CPVL: variants seen among roughly 807,000 people sequenced by gnomAD.
The protein encoded by CPVL is probable serine carboxypeptidase CPVL.
CPVL carries 51 observed loss-of-function variants against 63.7 expected under a neutral mutation model. That is an observed-to-expected ratio of 0.80 (90% CI 0.64 to 1.01). CPVL has a LOEUF of 1.01. CPVL is among the 50% of genes least tolerant of loss of function. The pLI, the probability that CPVL is intolerant of heterozygous loss-of-function variation, is 0.00. For synonymous variants in CPVL, 195 were observed against 206.0 expected (o/e 0.95, Z 0.46); for missense variants, 530 against 573.1 (o/e 0.92, Z 0.77).
At chr7:29,067,645 AG>A (rs1783268536) in intron 9 of CPVL, among the ~76,000 whole-genome samples, 1 of 152,174 alleles carries the variant, frequency 6.6e-6, no homozygotes, top group Admixed American at 6.5e-5. Context: ...GAAGACATGG[AG>A]GGGGGTTGTT....
chr7:29,168,339 C>A (rs982770320), intron 5 of CPVL, among the ~76,000 whole-genome samples: 1 of 152,092 alleles, frequency 6.6e-6, no homozygotes, highest in Non-Finnish European at 1.5e-5. Flanking sequence ...TTCCATTACA[C>A]AATTTTTGGT....
chr7:29,033,782 C>G (rs933676020), intron 11 of CPVL, among the ~76,000 whole-genome samples: 8 of 152,206 alleles, frequency 5.3e-5, no homozygotes, highest in Admixed American at 5.2e-4. Context: ...ACTTTCCTTT[C>G]TGGTCAGCTG....
chr7:29,135,320 C>G (rs1408835427), intron 1 of CPVL, among the ~76,000 whole-genome samples: 1 of 151,138 alleles, frequency 6.6e-6, no homozygotes, highest in Non-Finnish European at 1.5e-5. Flanking sequence ...GAATCAAAAG[C>G]CAAAATTGTA....
chr7:29,167,764 T>C (rs1338320156), intron 5 of CPVL, among the ~76,000 whole-genome samples: 1 of 152,248 alleles, frequency 6.6e-6, no homozygotes, highest in Non-Finnish European at 1.5e-5. Context: ...ATTTCCAGTT[T>C]TCTCTGCTTC....
At chr7:29,032,185 T>C (rs1454831163) in intron 11 of CPVL, among the ~76,000 whole-genome samples, 2 of 152,206 alleles carry the variant, frequency 1.3e-5, no homozygotes, top group South Asian at 2.1e-4. Context: ...ACTGCATAAG[T>C]TTCCGTCTTT....
chr7:29,045,396 A>G (rs1277668142), intron 11 of CPVL, among the ~76,000 whole-genome samples: 1 of 152,200 alleles, frequency 6.6e-6, no homozygotes, highest in Non-Finnish European at 1.5e-5. Flanking sequence ...AATGTACACT[A>G]TTTTTATCTG....
intron 7 of CPVL, among the ~76,000 whole-genome samples, chr7:29,074,145 C>T (rs55988255): frequency 1.8e-4 from 28 of 152,330 alleles, no homozygotes; most frequent in Non-Finnish European, 4.1e-4. Flanking sequence ...CCTGAGCTGA[C>T]CGACTCCAAA....
At chr7:29,096,917 G>A (rs1786470731) in intron 3 of CPVL, among the ~76,000 whole-genome samples, 1 of 150,290 alleles carries the variant, frequency 6.7e-6, no homozygotes, top group African/African-American at 2.5e-5. Flanking sequence ...CCCTGGAGAC[G>A]GAGGTTGCAG....
In CPVL at chr7:29,030,578, T is replaced by C; in HGVS notation, c.1319A>G (p.Gln440Arg). ...GYIRQAGDFHQVIIRGGGHIL... is the reference protein window; with the variant it reads ...GYIRQAGDFHRVIIRGGGHIL... ...GCCTGCTCCCAAGCATCTTCCTACC[T>C]GATGGAAGTCACCCGCTTGCCGGAT... is the stretch of plus-strand genomic sequence containing the variant. The change falls in exon 12 of 13, where the codon CAG (glutamine) becomes CGG (arginine). Residue 440 changes from glutamine (Q) to arginine (R), a missense_variant and splice_region_variant. By Grantham distance (43) the Gln-to-Arg change is conservative. Transcript: ENST00000265394. The C allele has an allele frequency of 6.2e-7, 1 of 1,610,560 alleles. No individual in the cohort carries two copies. The highest frequency in any genetic ancestry group is 8.5e-7 in the Non-Finnish European group (1 of 1,178,278).
chr7:29,086,673 C>A, intron 6 of CPVL, 123 bp from the exon 7 acceptor site: 1 of 699,906 alleles, frequency 1.4e-6, no homozygotes, highest in South Asian at 1.7e-5. Flanking sequence ...AGATACCACT[C>A]TGCTATGAGC....
At chr7:29,083,582 T>C (rs11764332) in intron 7 of CPVL, among the ~76,000 whole-genome samples, 41,035 of 151,948 alleles carry the variant, frequency 0.27, 6,356 homozygotes, top group East Asian at 0.61. Flanking sequence ...GAAGCAGGAG[T>C]ACCACATGAA....
chr7:29,112,931 G>A (rs1788400076), intron 2 of CPVL, 109 bp from the exon 3 acceptor site: 1 of 760,210 alleles, frequency 1.3e-6, no homozygotes, highest in Non-Finnish European at 2.3e-6. Flanking sequence ...TAAGCTAAAA[G>A]GGAACTGGTA....
intron 1 of CPVL, among the ~76,000 whole-genome samples, chr7:29,141,518 C>T (rs1172599859): frequency 6.6e-6 from 1 of 151,932 alleles, no homozygotes; most frequent in Admixed American, 6.6e-5. Context: ...CCACTGCACT[C>T]CAGCCTGGGC....
intron 5 of CPVL, among the ~76,000 whole-genome samples, chr7:29,171,379 T>C (rs1196204143): frequency 1.3e-5 from 2 of 152,194 alleles, no homozygotes; most frequent in East Asian, 1.9e-4. Flanking sequence ...ATAATACATA[T>C]GTAATGGAAT....
rs530391785 is a variant in CPVL, at chr7:29,000,465, CTG to C, written c.1321-4585_1321-4584del. Among the ~76,000 whole-genome samples the C allele has an allele frequency of 8.7e-4, 131 of 150,830 alleles. No homozygotes were observed. In the East Asian group the frequency reaches 0.017, roughly 20 times the overall value. ...GGCATGGAAATGCAGGGGCATGAAA[CTG>C]TGGGCACGTGCAGCAGAGGGATCAC... is the stretch of plus-strand genomic sequence containing the variant. On this transcript the variant is annotated intron_variant, in intron 12 of 12. Transcript: ENST00000265394.
At chr7:29,092,736 A>G (rs775801158) in intron 5 of CPVL, 34 bp from the exon 6 acceptor site, 1 of 1,446,346 alleles carries the variant, frequency 6.9e-7, no homozygotes, top group Non-Finnish European at 9.7e-7. Context: ...GTATAAACAC[A>G]GAGAAACACA....
At chr7:29,059,457 T>C (rs1458724244) in intron 11 of CPVL, among the ~76,000 whole-genome samples, 2 of 152,108 alleles carry the variant, frequency 1.3e-5, no homozygotes, top group South Asian at 2.1e-4. Context: ...CGATAAAATA[T>C]TAGCAATCCA....
intron 1 of CPVL, chr7:29,191,949 C>G (rs1410083161): frequency 6.6e-6 from 1 of 152,254 alleles, no homozygotes; most frequent in East Asian, 1.9e-4. Flanking sequence ...AGCCAGCCTT[C>G]AGGCTCCTGA....
At chr7:29,091,489 C>G (rs6943550) in intron 6 of CPVL, among the ~76,000 whole-genome samples, 20,731 of 152,054 alleles carry the variant, frequency 0.14, 4,470 homozygotes, top group African/African-American at 0.46. Context: ...TCTGAAGAAG[C>G]CTGTGAGGAG....
Sources: gnomAD v4.1 joint callset for allele counts (sites outside exome capture counted in the v4.1 genomes callset) on GRCh38, gnomAD v4.1.1 for gene constraint, MANE v1.5 for transcripts, NCBI Gene and HGNC (gene_info 2026-07-23, HGNC 2026-07-21) for gene names.